TBCA: variants seen among roughly 807,000 people sequenced by gnomAD.
The protein encoded by TBCA is tubulin-specific chaperone A.
Under a neutral mutation model 15.8 loss-of-function variants are expected in TBCA, and 6 were observed. The ratio of observed to expected loss-of-function variants is 0.38; its 90% CI spans 0.21 to 0.75. TBCA has a LOEUF of 0.75. Among genes scored for constraint, TBCA ranks in the 30% least tolerant of loss-of-function variants. TBCA has a pLI of 0.46. For synonymous variants in TBCA, 32 were observed against 42.3 expected (o/e 0.76, Z 0.94); for missense variants, 90 against 131.2 (o/e 0.69, Z 1.53).
At chr5:77,705,417 A>C (rs1471474436) in intron 2 of TBCA, 1 of 390,906 alleles carries the variant, frequency 2.6e-6, no homozygotes, top group African/African-American at 2.1e-5. Flanking sequence ...CACTAGATGT[A>C]GGAAAACAAT....
At chr5:77,753,790 G>A (rs254391) in intron 1 of TBCA, among the ~76,000 whole-genome samples, 34,541 of 151,788 alleles carry the variant, frequency 0.23, 4,670 homozygotes, top group Non-Finnish European at 0.31. Flanking sequence ...TTTCATTCTC[G>A]CTCTGTTGCC....
intron 3 of TBCA, chr5:77,692,117 A>T (rs1270528379): frequency 2.0e-6 from 2 of 983,090 alleles, no homozygotes; most frequent in Admixed American, 1.2e-4. Context: ...ATGATAACAG[A>T]CAAATGAAAT....
chr5:77,745,246 T>C (rs1415598734), intron 1 of TBCA, among the ~76,000 whole-genome samples: 1 of 152,186 alleles, frequency 6.6e-6, no homozygotes, highest in Non-Finnish European at 1.5e-5. Flanking sequence ...ATAAAACAAG[T>C]ATAAAAGTGA....
In TBCA at chr5:77,708,199, A is replaced by G. The variant is rs761121733; in HGVS notation, c.159+43T>C. On this transcript the variant is annotated intron_variant, in intron 2 of 3. Transcript: ENST00000380377. ...TAAAAACTACATTAGTTAATATGGC[A>G]TTCTGTAAATGTTAGCTATTGTTAT... The G allele has an allele frequency of 3.7e-6, 5 of 1,353,960 alleles. 1 individual carries two copies. The South Asian group carries it at 6.2e-5, about 17-fold the overall frequency. The allele number at this position is 1,353,960 out of a possible 1,614,324, so 83.9% of individuals were successfully genotyped here.
At chr5:77,725,680 G>A (rs1326553436) in intron 1 of TBCA, among the ~76,000 whole-genome samples, 1 of 152,160 alleles carries the variant, frequency 6.6e-6, no homozygotes, top group Non-Finnish European at 1.5e-5. Flanking sequence ...CGTAATGTGT[G>A]TTGCTTTGCT....
intron 1 of TBCA, among the ~76,000 whole-genome samples, chr5:77,764,057 C>T (rs1177431422): frequency 6.6e-6 from 1 of 152,114 alleles, no homozygotes; most frequent in Non-Finnish European, 1.5e-5. Context: ...AAATGTACTG[C>T]ACCTAAGAGT....
At chr5:77,721,572 T>A (rs1418539623) in intron 1 of TBCA, among the ~76,000 whole-genome samples, 1 of 152,144 alleles carries the variant, frequency 6.6e-6, no homozygotes, top group Non-Finnish European at 1.5e-5. Context: ...TGGTATATGT[T>A]AAAGGGTCCA....
At chr5:77,704,982 A>AT (rs1053656488) in intron 2 of TBCA, among the ~76,000 whole-genome samples, 1 of 152,078 alleles carries the variant, frequency 6.6e-6, no homozygotes, top group African/African-American at 2.4e-5. Context: ...CTTTTGAACA[A>AT]TTTTTTTTCC....
chr5:77,730,304 C>A (rs73139607), intron 1 of TBCA, among the ~76,000 whole-genome samples: 2,547 of 152,218 alleles, frequency 0.017, 73 homozygotes, highest in African/African-American at 0.057. Context: ...CACATGAAGA[C>A]AGAGATAGAG....
In TBCA at chr5:77,715,601, A is replaced by G. The variant is rs117467976; in HGVS notation, c.54-7254T>C. Among the ~76,000 whole-genome samples, 218 of 152,276 alleles carry G rather than the reference A, an allele frequency of 1.4e-3. 4 individuals carry two copies. The East Asian group carries it at 0.032, about 22-fold the overall frequency. On this transcript the variant is annotated intron_variant, in intron 1 of 3. Coordinates refer to ENST00000380377, the MANE Select transcript of TBCA (RefSeq NM_004607.3). ...CACCCACAAAAGCACACATGCAACA[A>G]ATGGTTATGGTTGTAATATGAAGCA...
intron 1 of TBCA, among the ~76,000 whole-genome samples, chr5:77,752,149 TTTTAC>T (rs1459045197): frequency 2.6e-5 from 4 of 152,162 alleles, no homozygotes; most frequent in Non-Finnish European, 5.9e-5. Flanking sequence ...AAGTAGTTAT[TTTTAC>T]AATCCATTAT....
chr5:77,773,534 A>G (rs2112523891), intron 1 of TBCA, among the ~76,000 whole-genome samples: 1 of 152,352 alleles, frequency 6.6e-6, no homozygotes, highest in South Asian at 2.1e-4. Context: ...AAAGAGGCAC[A>G]GCACAATGTA....
rs1385302532 is a variant in TBCA at position 77,735,808 on chromosome 5, A to G, written c.54-27461T>C. ...CATACATGCTTTACCTACATGCGAA[A>G]TGGTGTTGGCAAATATGACAAGGCC... On this transcript the variant is annotated intron_variant, in intron 1 of 3. Transcript: ENST00000380377. Among the ~76,000 whole-genome samples the G allele has an allele frequency of 5.3e-5, 8 of 152,342 alleles. No individual in the cohort carries two copies. The South Asian group carries it at 1.7e-3, about 32-fold the overall frequency.
At chr5:77,764,810 C>A (rs1747733589) in intron 1 of TBCA, among the ~76,000 whole-genome samples, 1 of 152,010 alleles carries the variant, frequency 6.6e-6, no homozygotes, top group South Asian at 2.1e-4. Flanking sequence ...TTCCACACAA[C>A]CCAAAAGTCA....
rs572875260 is a variant in TBCA, at chr5:77,723,493, T to C, written c.54-15146A>G. Among the ~76,000 whole-genome samples, 40 of 152,110 alleles carry C rather than the reference T, an allele frequency of 2.6e-4. No individual in the cohort carries two copies. In the East Asian group the frequency reaches 7.1e-3, roughly 27 times the overall value. On this transcript the variant is annotated intron_variant, in intron 1 of 3. Transcript: ENST00000380377. ...TGGGGGATGGGTAGCATTTTTATTA[T>C]GGTAGAACAGACTAAATGTCTAGCT...
intron 1 of TBCA, among the ~76,000 whole-genome samples, chr5:77,729,226 A>C (rs1011927059): frequency 6.6e-6 from 1 of 152,062 alleles, no homozygotes; most frequent in Admixed American, 6.5e-5. Flanking sequence ...AGGCAGGAGA[A>C]TCGCTTGAAC....
chr5:77,718,060 G>A (rs1384032989), intron 1 of TBCA, among the ~76,000 whole-genome samples: 1 of 152,162 alleles, frequency 6.6e-6, no homozygotes, highest in Non-Finnish European at 1.5e-5. Context: ...AACCCAGGAG[G>A]CAGAGGTTGT....
At chr5:77,715,025 T>C (rs1746367301) in intron 1 of TBCA, among the ~76,000 whole-genome samples, 1 of 152,152 alleles carries the variant, frequency 6.6e-6, no homozygotes, top group Non-Finnish European at 1.5e-5. Flanking sequence ...AAAAGTGCTA[T>C]GGAGAAAAAG....
intron 1 of TBCA, among the ~76,000 whole-genome samples, chr5:77,775,494 C>A (rs1371052853): frequency 6.6e-6 from 1 of 152,190 alleles, no homozygotes; most frequent in Non-Finnish European, 1.5e-5. Context: ...ATCAGGACCT[C>A]CTGAGGCTGT....
Sources: gnomAD v4.1 joint callset for allele counts (sites outside exome capture counted in the v4.1 genomes callset) on GRCh38, gnomAD v4.1.1 for gene constraint, MANE v1.5 for transcripts, NCBI Gene and HGNC (gene_info 2026-07-23, HGNC 2026-07-21) for gene names.